The following ADGRG6 variants were observed in gnomAD, a reference collection of about 807,000 sequenced individuals.
The protein encoded by ADGRG6 is G-protein coupled receptor 126.
ADGRG6 carries 84 observed loss-of-function variants against 142.4 expected under a neutral mutation model. The ratio of observed to expected loss-of-function variants is 0.59; its 90% CI spans 0.49 to 0.71. ADGRG6 has a LOEUF of 0.71. ADGRG6 is among the 30% of genes least tolerant of loss of function. The pLI is 0.00. For synonymous variants in ADGRG6, 521 were observed against 520.5 expected, an observed-to-expected ratio of 1.00 and a Z score of -0.01; for missense variants, 1,367 against 1,466.6, an observed-to-expected ratio of 0.93 and a Z score of 1.11.
intron 4 of ADGRG6, among the ~76,000 whole-genome samples, chr6:142,372,951 T>C (rs776136618): frequency 6.6e-6 from 1 of 152,238 alleles, no homozygotes; most frequent in Non-Finnish European, 1.5e-5. Context: ...TATGGCTATG[T>C]TAATAATTGC....
chr6:142,331,847 G>A (rs866161032), intron 2 of ADGRG6, among the ~76,000 whole-genome samples: 7 of 152,086 alleles, frequency 4.6e-5, no homozygotes, highest in African/African-American at 1.7e-4. Flanking sequence ...GTGGAATTTG[G>A]CATGTTTTCA....
intron 24 of ADGRG6, among the ~76,000 whole-genome samples, chr6:142,438,623 A>C (rs1777601474): frequency 6.6e-6 from 1 of 152,210 alleles, no homozygotes; most frequent in African/African-American, 2.4e-5. Flanking sequence ...TGATTCAAAA[A>C]CTTGGTTATC....
At chr6:142,339,897 A>G (rs1779530052) in intron 2 of ADGRG6, among the ~76,000 whole-genome samples, 1 of 152,156 alleles carries the variant, frequency 6.6e-6, no homozygotes, top group Admixed American at 6.5e-5. Context: ...TAATAGGATA[A>G]GTATTTTTTT....
intron 15 of ADGRG6, among the ~76,000 whole-genome samples, chr6:142,407,285 G>A (rs1001610169): frequency 1.3e-5 from 2 of 151,604 alleles, no homozygotes; most frequent in Admixed American, 6.6e-5. Context: ...GGCAAGGTAC[G>A]ATGGTGATGG....
chr6:142,369,426 A>G (rs926586313), intron 3 of ADGRG6, among the ~76,000 whole-genome samples: 3 of 152,158 alleles, frequency 2.0e-5, no homozygotes, highest in African/African-American at 7.2e-5. Flanking sequence ...ATTGTTGCCC[A>G]TTTTACAGAT....
intron 22 of ADGRG6, among the ~76,000 whole-genome samples, chr6:142,426,867 C>T (rs1776971694): frequency 6.6e-6 from 1 of 152,224 alleles, no homozygotes. Flanking sequence ...CCCTCTGAAG[C>T]AACAGCCTGA....
intron 2 of ADGRG6, among the ~76,000 whole-genome samples, chr6:142,355,070 T>C (rs1425188059): frequency 6.6e-6 from 1 of 152,190 alleles, no homozygotes; most frequent in Non-Finnish European, 1.5e-5. Context: ...AAACCTGGGG[T>C]TTCTCATCTT....
At chr6:142,368,015 A>G in intron 3 of ADGRG6, 105 bp downstream of exon 3, 1 of 656,720 alleles carries the variant, frequency 1.5e-6, no homozygotes, top group South Asian at 1.9e-5. Flanking sequence ...GTGAATGTGA[A>G]TGATTAGGAT....
chr6:142,419,199 A>C (rs1404212325), intron 21 of ADGRG6, among the ~76,000 whole-genome samples: 1 of 152,170 alleles, frequency 6.6e-6, no homozygotes, highest in African/African-American at 2.4e-5. Context: ...TGGTAGTGGC[A>C]ATCACTGGCA....
At chr6:142,424,676 C>G (rs1776851133) in intron 22 of ADGRG6, among the ~76,000 whole-genome samples, 3 of 151,628 alleles carry the variant, frequency 2.0e-5, no homozygotes, top group African/African-American at 7.3e-5. Context: ...CAGAATGATG[C>G]TGGCCTCATA....
At chr6:142,303,524 A>G (rs192506387) in intron 1 of ADGRG6, among the ~76,000 whole-genome samples, 13 of 152,344 alleles carry the variant, frequency 8.5e-5, no homozygotes, top group Admixed American at 2.0e-4. Context: ...AAATAATTCC[A>G]CACCTGGGAG....
At chr6:142,402,928 T>G in intron 13 of ADGRG6, 98 bp downstream of exon 13, 1 of 646,034 alleles carries the variant, frequency 1.5e-6, no homozygotes, top group East Asian at 2.8e-5. Context: ...ATTTCAGAAT[T>G]CAAATCTCTG....
chr6:142,382,234 C>T (rs1325257471), intron 5 of ADGRG6, among the ~76,000 whole-genome samples: 1 of 152,102 alleles, frequency 6.6e-6, no homozygotes, highest in Non-Finnish European at 1.5e-5. Context: ...AACCACAATT[C>T]CACAAAGCTC....
At chr6:142,397,292 G>T (rs1405454770) in intron 9 of ADGRG6, among the ~76,000 whole-genome samples, 4 of 151,856 alleles carry the variant, frequency 2.6e-5, no homozygotes, top group Admixed American at 2.0e-4. Flanking sequence ...TTAACCACAG[G>T]AATGCTGTTT....
chr6:142,390,260 G>A lies in ADGRG6; in HGVS notation c.1225G>A (p.Gly409Arg). Residue 409 changes from glycine to arginine, a missense_variant and splice_region_variant, in exon 7 of 25, where the codon GGA (glycine) becomes AGA (arginine). By Grantham distance (125) the Gly-to-Arg change is moderately radical. This residue lies in a region of ADGRG6 where 737 missense variants were observed against 746.5 expected (regional missense o/e 0.99). Transcript: ENST00000367609. ...TNRIDKQRND[G>R]IIYRISVVIQ... ...CTAATCCTATTTCCAATGGGCAGAT[G>A]GAATTATCTATAGAATATCCGTAGT... 1 of 1,535,952 alleles carries A rather than the reference G, an allele frequency of 6.5e-7. No homozygotes were observed. Among genetic ancestry groups the A allele is most frequent in the East Asian group, 2.3e-5 (1 of 43,896 alleles).
intron 10 of ADGRG6, 99 bp from the exon 11 acceptor site, chr6:142,400,386 A>G (rs79342490): frequency 0.012 from 7,810 of 641,294 alleles, 69 homozygotes; most frequent in Middle Eastern, 0.042. Context: ...AGAAATACCT[A>G]ATTACCAGCA....
At chr6:142,366,010 C>T (rs1562340466) in intron 2 of ADGRG6, among the ~76,000 whole-genome samples, 2 of 152,060 alleles carry the variant, frequency 1.3e-5, no homozygotes, top group South Asian at 2.1e-4. Context: ...CATTTAATGG[C>T]AATTTATCCA....
chr6:142,382,236 A>G lies in ADGRG6; in HGVS notation c.1138+217A>G, dbSNP rs545558070. Among the ~76,000 whole-genome samples the G allele has an allele frequency of 1.8e-4, 28 of 152,346 alleles. No individual in the cohort carries two copies. The South Asian group carries it at 5.8e-3, about 32-fold the overall frequency. On this transcript the variant is annotated intron_variant, in intron 5 of 24. Transcript: ENST00000367609. The stretch of plus-strand genomic sequence containing the variant: ...TCACACCATGGGTAACCACAATTCC[A>G]CAAAGCTCTGAGTTTTAAAAATGTG...
intron 7 of ADGRG6, among the ~76,000 whole-genome samples, chr6:142,392,522 A>G (rs1774947474): frequency 6.6e-6 from 1 of 151,968 alleles, no homozygotes; most frequent in Admixed American, 6.6e-5. Context: ...TGTTAAATGA[A>G]GAATAGAGAA....
Sources: gnomAD v4.1 joint callset for allele counts (sites outside exome capture counted in the v4.1 genomes callset) on GRCh38, gnomAD v4.1.1 for gene constraint, gnomAD v4.1.1 regional missense constraint, MANE v1.5 for transcripts, NCBI Gene and HGNC (gene_info 2026-07-23, HGNC 2026-07-21) for gene names.